FGD4: variants seen among roughly 807,000 people sequenced by gnomAD.
FGD4 encodes FYVE, RhoGEF and PH domain-containing protein 4.
FGD4 carries 42 observed loss-of-function variants against 102.0 expected under a neutral mutation model. That is an observed-to-expected ratio of 0.41 (90% confidence interval 0.32 to 0.53). The LOEUF (loss-of-function observed/expected upper bound fraction) is 0.53. FGD4 is among the 20% of genes least tolerant of loss of function. The pLI is 0.21. For synonymous variants in FGD4, 380 were observed against 375.7 expected, an observed-to-expected ratio of 1.01 and a Z score of -0.13; for missense variants, 902 against 1,078.2, an observed-to-expected ratio of 0.84 and a Z score of 2.29.
At chr12:32,426,385 G>A (rs1241966074) in intron 1 of FGD4, among the ~76,000 whole-genome samples, 6 of 152,194 alleles carry the variant, frequency 3.9e-5, no homozygotes, top group Non-Finnish European at 7.3e-5. Flanking sequence ...TAAGTATGTT[G>A]AACCAGGCTT....
At chr12:32,534,201 TCTCTGTG>T (rs1942040392) in intron 1 of FGD4, 1 of 792,098 alleles carries the variant, frequency 1.3e-6, no homozygotes, top group Middle Eastern at 4.5e-4. Context: ...AATAGAAGTC[TCTCTGTG>T]CTCATACACT....
At chr12:32,560,475 C>T (rs750766872) in intron 1 of FGD4, among the ~76,000 whole-genome samples, 32 of 152,136 alleles carry the variant, frequency 2.1e-4, no homozygotes, top group Non-Finnish European at 3.7e-4. Flanking sequence ...TACCTGGTCT[C>T]AAACTCCTGG....
intron 1 of FGD4, among the ~76,000 whole-genome samples, chr12:32,538,889 G>C: frequency 6.6e-6 from 1 of 152,030 alleles, no homozygotes; most frequent in East Asian, 1.9e-4. Context: ...TCCGTCTCTA[G>C]TAAAGATACA....
At chr12:32,549,969 CCTTA>C (rs2136185623) in intron 1 of FGD4, among the ~76,000 whole-genome samples, 1 of 152,326 alleles carries the variant, frequency 6.6e-6, no homozygotes, top group South Asian at 2.1e-4. Context: ...CTCGGCACGG[CCTTA>C]CTTCTGGTCT....
At chr12:32,562,612 T>C (rs558515937) in intron 1 of FGD4, among the ~76,000 whole-genome samples, 9 of 152,248 alleles carry the variant, frequency 5.9e-5, no homozygotes, top group East Asian at 1.9e-4. Context: ...GTGGTGATGA[T>C]TCTTAACGAG....
intron 2 of FGD4, among the ~76,000 whole-genome samples, chr12:32,568,614 A>T (rs1462644281): frequency 6.6e-6 from 1 of 152,230 alleles, no homozygotes; most frequent in Non-Finnish European, 1.5e-5. Context: ...TTGTCACATA[A>T]TATCTCAATC....
intron 2 of FGD4, among the ~76,000 whole-genome samples, chr12:32,574,054 A>T (rs1945919333): frequency 6.6e-6 from 1 of 152,226 alleles, no homozygotes; most frequent in Non-Finnish European, 1.5e-5. Context: ...ACAAATTGTG[A>T]TAAGCAATTT....
chr12:32,480,676 T>C (rs1186698186), intron 1 of FGD4, among the ~76,000 whole-genome samples: 2 of 151,720 alleles, frequency 1.3e-5, no homozygotes, highest in African/African-American at 2.4e-5. Context: ...AATTTTTGTA[T>C]TTTTAGTAGA....
chr12:32,619,561 G>A (rs1949671178), intron 10 of FGD4, 137 bp from the exon 11 acceptor site: 2 of 925,746 alleles, frequency 2.2e-6, no homozygotes, highest in Non-Finnish European at 1.7e-6. Flanking sequence ...GAACCCGGGA[G>A]GCAGAGCTTA....
intron 4 of FGD4, among the ~76,000 whole-genome samples, chr12:32,596,030 T>C (rs1236780881): frequency 6.6e-6 from 1 of 152,246 alleles, no homozygotes; most frequent in Admixed American, 6.5e-5. Flanking sequence ...TTATACGCAG[T>C]TTAAAATATA....
At chr12:32,437,915 CAG>C (rs1347527274) in intron 1 of FGD4, among the ~76,000 whole-genome samples, 1 of 152,080 alleles carries the variant, frequency 6.6e-6, no homozygotes, top group Non-Finnish European at 1.5e-5. Context: ...TTCTTTGAGA[CAG>C]AGTCTTGCTC....
At position 32,506,918 on chromosome 12, in the gene FGD4, CTTTATT is replaced by C. The variant is rs907944733; in HGVS notation, c.167-57211_167-57206del. ...TAAAGAGGGAGTTGAGGGTGGCAAACTTTATTTTTATTTATTTTTTATTATTATACT... is the reference window on the plus strand; with the variant it reads ...TAAAGAGGGAGTTGAGGGTGGCAAACTTTATTTATTTTTTATTATTATACT... On this transcript the variant is annotated intron_variant, in intron 1 of 16. Coordinates refer to ENST00000534526, the MANE Select transcript of FGD4 (RefSeq NM_001370298.3). This position sits in a 1 kb window ranked among gnomAD's most constrained non-coding sequence, Gnocchi z 4.5. Among the ~76,000 whole-genome samples the C allele has an allele frequency of 6.6e-6, 1 of 151,906 alleles. No individual in the cohort carries two copies. The highest frequency in any genetic ancestry group is 2.4e-5 in the African/African-American group (1 of 41,328).
intron 1 of FGD4, among the ~76,000 whole-genome samples, chr12:32,511,008 C>T (rs1174002107): frequency 6.6e-6 from 1 of 152,000 alleles, no homozygotes; most frequent in African/African-American, 2.4e-5. Context: ...GAGGATTGAG[C>T]CAGATCTTGA....
In FGD4 at chr12:32,528,787, T is replaced by G. The variant is rs555685119; in HGVS notation, c.167-35350T>G. ...TATTTTTAAAATTTATATTTTTTGT[T>G]GTTGTCTTGTTTTTATTTGAAATTG... On this transcript the variant is annotated intron_variant, in intron 1 of 16. Coordinates refer to ENST00000534526, the MANE Select transcript of FGD4 (RefSeq NM_001370298.3). 7.9e-4 allele frequency among the ~76,000 whole-genome samples: 120 copies of G among 152,320 alleles called. 2 individuals carry two copies. The highest frequency in any genetic ancestry group is 2.6e-3 in the African/African-American group (110 of 41,582).
At chr12:32,445,969 C>T (rs1942599582) in intron 1 of FGD4, among the ~76,000 whole-genome samples, 1 of 152,134 alleles carries the variant, frequency 6.6e-6, no homozygotes, top group African/African-American at 2.4e-5. Flanking sequence ...GACTTCGAGA[C>T]CAGCCTTGGC....
At chr12:32,477,108 C>A (rs1943602344) in intron 1 of FGD4, among the ~76,000 whole-genome samples, 1 of 152,086 alleles carries the variant, frequency 6.6e-6, no homozygotes, top group Non-Finnish European at 1.5e-5. Flanking sequence ...GCCAACATGG[C>A]GAAACCCTTT....
chr12:32,582,604 G>C, intron 4 of FGD4, 137 bp downstream of exon 4: 1 of 1,147,360 alleles, frequency 8.7e-7, no homozygotes, highest in Non-Finnish European at 1.3e-6. Flanking sequence ...TTCAAGCTCT[G>C]GCTGCTGATT....
At chr12:32,469,681 C>T (rs1456490814) in intron 1 of FGD4, among the ~76,000 whole-genome samples, 7 of 148,382 alleles carry the variant, frequency 4.7e-5, no homozygotes, top group Admixed American at 2.0e-4. Flanking sequence ...TTTTTTGAGA[C>T]GGAGTTTTGC....
At chr12:32,563,446 G>C (rs10844245) in intron 1 of FGD4, among the ~76,000 whole-genome samples, 1 of 151,592 alleles carries the variant, frequency 6.6e-6, no homozygotes, top group Non-Finnish European at 1.5e-5. Context: ...ATGGGATGGC[G>C]GCCGGGAAGA....
Sources: gnomAD v4.1 joint callset for allele counts (sites outside exome capture counted in the v4.1 genomes callset) on GRCh38, gnomAD v4.1.1 for gene constraint, Gnocchi (gnomAD v3.1) non-coding constraint, MANE v1.5 for transcripts, NCBI Gene and HGNC (gene_info 2026-07-23, HGNC 2026-07-21) for gene names.